KCNH5: variants seen among roughly 807,000 people sequenced by gnomAD.
KCNH5 encodes potassium voltage-gated channel subfamily H member 5.
A neutral mutation model predicts 96.1 loss-of-function variants in KCNH5; 46 were observed. The observed-to-expected ratio is 0.48, with a 90% CI of 0.38 to 0.61. The LOEUF (loss-of-function observed/expected upper bound fraction) is 0.61. Among genes scored for constraint, KCNH5 ranks in the 20% least tolerant of loss-of-function variants. The pLI is 0.00. For missense variants in KCNH5, 907 were observed against 1,225.8 expected, an observed-to-expected ratio of 0.74 and a Z score of 3.88; for synonymous variants, 439 against 449.8, an observed-to-expected ratio of 0.98 and a Z score of 0.30.
chr14:63,024,263 C>A (rs1891485455), intron 1 of KCNH5, among the ~76,000 whole-genome samples: 1 of 150,576 alleles, frequency 6.6e-6, no homozygotes, highest in African/African-American at 2.4e-5. Context: ...CACAACATAC[C>A]AAAACTTAAG....
In KCNH5 at chr14:62,708,234, G is replaced by A; in HGVS notation, c.2241C>T (p.Ile747=). ...ESRSLQNGAS[I]TGTSVVTVSQ... Reference sequence around the variant, plus strand: ...ACACAGTCACCACGCTGGTTCCGGTGATGGAGGCTCCATTCTGTAAGGAGC... The same window carrying A: ...ACACAGTCACCACGCTGGTTCCGGTAATGGAGGCTCCATTCTGTAAGGAGC... The change falls in exon 11 of 11, where the codon ATC becomes ATT. Residue 747 remains isoleucine (I), a synonymous_variant. Transcript: ENST00000322893. 1.2e-6 allele frequency: 2 copies of A among 1,614,216 alleles called. No homozygotes were observed. Among genetic ancestry groups the A allele is most frequent in the East Asian group, 2.2e-5 (1 of 44,876 alleles).
intron 7 of KCNH5, among the ~76,000 whole-genome samples, chr14:62,863,181 A>G (rs1888070795): frequency 6.6e-6 from 1 of 152,174 alleles, no homozygotes; most frequent in South Asian, 2.1e-4. Context: ...TGAGGTCCTT[A>G]CATCTCTCTA....
intron 10 of KCNH5, among the ~76,000 whole-genome samples, chr14:62,719,346 C>T (rs1430351441): frequency 6.6e-6 from 1 of 152,236 alleles, no homozygotes; most frequent in Non-Finnish European, 1.5e-5. Context: ...GTTGCACACC[C>T]ATGAAGCCAG....
intron 6 of KCNH5, among the ~76,000 whole-genome samples, chr14:62,968,649 C>T (rs1211357291): frequency 6.6e-6 from 1 of 152,174 alleles, no homozygotes; most frequent in African/African-American, 2.4e-5. Context: ...TCCCTCTGGC[C>T]TTATCTTTCC....
chr14:62,805,952 G>A (rs1272172851), intron 8 of KCNH5, among the ~76,000 whole-genome samples: 1 of 152,140 alleles, frequency 6.6e-6, no homozygotes, highest in African/African-American at 2.4e-5. Context: ...CTACTGGGCT[G>A]CATTTCCAGA....
intron 4 of KCNH5, among the ~76,000 whole-genome samples, chr14:63,001,067 C>T (rs905177372): frequency 3.3e-5 from 5 of 152,084 alleles, no homozygotes; most frequent in Admixed American, 3.3e-4. Flanking sequence ...AGAGTGAGAC[C>T]TTGACTAAAA....
intron 7 of KCNH5, among the ~76,000 whole-genome samples, chr14:62,879,660 A>T (rs1197883357): frequency 1.3e-5 from 2 of 152,168 alleles, no homozygotes; most frequent in African/African-American, 2.4e-5. Flanking sequence ...GTAGCGTGAT[A>T]CAGTTATCTT....
chr14:62,865,976 G>C (rs1888127399), intron 7 of KCNH5, among the ~76,000 whole-genome samples: 1 of 152,076 alleles, frequency 6.6e-6, no homozygotes. Context: ...TCATATACTT[G>C]ACAATCATCA....
intron 10 of KCNH5, among the ~76,000 whole-genome samples, chr14:62,746,365 C>A (rs572436412): frequency 6.6e-6 from 1 of 152,306 alleles, no homozygotes; most frequent in South Asian, 2.1e-4. Context: ...TATTCACATG[C>A]TTTGCCCTCA....
chr14:62,797,880 G>A (rs995920355), intron 9 of KCNH5, among the ~76,000 whole-genome samples: 19 of 151,844 alleles, frequency 1.3e-4, no homozygotes, highest in South Asian at 6.2e-4. Flanking sequence ...GCAAACCCAG[G>A]TAATTTTTGT....
intron 8 of KCNH5, among the ~76,000 whole-genome samples, chr14:62,826,575 T>C (rs1348850960): frequency 1.3e-5 from 2 of 152,084 alleles, no homozygotes; most frequent in Admixed American, 6.6e-5. Flanking sequence ...TAAATATGTA[T>C]CTTTATAATA....
At chr14:62,788,278 A>G (rs1355654070) in intron 9 of KCNH5, among the ~76,000 whole-genome samples, 1 of 152,178 alleles carries the variant, frequency 6.6e-6, no homozygotes, top group Non-Finnish European at 1.5e-5. Flanking sequence ...GCAGATGTAG[A>G]AACGGCAAGA....
At chr14:62,737,498 G>A (rs2139931154) in intron 10 of KCNH5, among the ~76,000 whole-genome samples, 1 of 152,242 alleles carries the variant, frequency 6.6e-6, no homozygotes, top group African/African-American at 2.4e-5. Context: ...CTGTTAAAAT[G>A]AGAAGAAATC....
chr14:62,900,754 G>A (rs977948630), intron 7 of KCNH5, among the ~76,000 whole-genome samples: 1 of 152,038 alleles, frequency 6.6e-6, no homozygotes, highest in Non-Finnish European at 1.5e-5. Context: ...AAGATATGAT[G>A]AGGAGGGTCA....
chr14:62,755,227 T>G (rs1045864708), intron 10 of KCNH5, among the ~76,000 whole-genome samples: 2 of 151,700 alleles, frequency 1.3e-5, no homozygotes, highest in South Asian at 4.2e-4. Context: ...CCCAAATAAA[T>G]AAAATCAGAG....
chr14:62,951,042 TCA>T (rs1259134227), intron 6 of KCNH5, among the ~76,000 whole-genome samples: 5 of 152,132 alleles, frequency 3.3e-5, no homozygotes, highest in Non-Finnish European at 7.4e-5. Context: ...TTACAGGCAA[TCA>T]CACAGGAAAT....
intron 8 of KCNH5, among the ~76,000 whole-genome samples, chr14:62,821,329 C>T (rs1468237955): frequency 6.6e-6 from 1 of 151,960 alleles, no homozygotes; most frequent in Non-Finnish European, 1.5e-5. Context: ...GAACAGTAAA[C>T]ACTGCTAGTT....
At chr14:62,972,924 A>G (rs1264247982) in intron 6 of KCNH5, among the ~76,000 whole-genome samples, 1 of 152,204 alleles carries the variant, frequency 6.6e-6, no homozygotes, top group Non-Finnish European at 1.5e-5. Context: ...TGATGCTGTA[A>G]TGGAGGATAC....
chr14:62,863,902 G>A (rs1436870010), intron 7 of KCNH5, among the ~76,000 whole-genome samples: 3 of 151,888 alleles, frequency 2.0e-5, no homozygotes, highest in South Asian at 2.1e-4. Context: ...TGAATGTGAG[G>A]GTGAATGATT....
Sources: gnomAD v4.1 joint callset for allele counts (sites outside exome capture counted in the v4.1 genomes callset) on GRCh38, gnomAD v4.1.1 for gene constraint, MANE v1.5 for transcripts, NCBI Gene and HGNC (gene_info 2026-07-23, HGNC 2026-07-21) for gene names.